The following MYB variants were observed in gnomAD, a reference collection of about 807,000 sequenced individuals.
The protein encoded by MYB is MYB proto-oncogene, transcription factor.
Under a neutral mutation model 92.9 loss-of-function variants are expected in MYB, and 28 were observed. The observed-to-expected ratio is 0.30, with a 90% confidence interval of 0.22 to 0.41. The LOEUF (loss-of-function observed/expected upper bound fraction) is 0.41. Among genes scored for constraint, MYB ranks in the 10% least tolerant of loss-of-function variants. MYB has a pLI of 1.00. For missense variants in MYB, 679 were observed against 929.3 expected (o/e 0.73, Z 3.50); for synonymous variants, 295 against 329.1 (o/e 0.90, Z 1.12).
chr6:135,202,776 G>C, intron 14 of MYB: 2 of 381,390 alleles, frequency 5.2e-6, no homozygotes, highest in Non-Finnish European at 1.0e-5. Context: ...TGCTGGGTTG[G>C]AACTCAGAAG....
At position 135,194,364 on chromosome 6, in the gene MYB, T is replaced by C. The variant is rs1394701810; in HGVS notation, c.852T>C (p.Tyr284=). ...QPAAAAIQRH[Y]NDEDPEKEKR... ...TTACTTTGTAATTTCAGAGACACTATAATGATGAAGACCCTGAGAAGGAAA... is the reference window on the plus strand; with the variant it reads ...TTACTTTGTAATTTCAGAGACACTACAATGATGAAGACCCTGAGAAGGAAA... The change falls in exon 8 of 16, where the codon TAT becomes TAC. Residue 284 remains tyrosine (Y), a synonymous_variant. Transcript: ENST00000341911. 1 of 1,608,436 alleles carries C rather than the reference T, an allele frequency of 6.2e-7. No individual in the cohort carries two copies. The highest frequency in any genetic ancestry group is 8.5e-7 in the Non-Finnish European group (1 of 1,176,280).
chr6:135,189,253 A>T (rs1019454688), intron 3 of MYB, among the ~76,000 whole-genome samples: 1 of 152,220 alleles, frequency 6.6e-6, no homozygotes, highest in Admixed American at 6.5e-5. Flanking sequence ...CAAATTCAGC[A>T]TCTGTGATAG....
intron 6 of MYB, among the ~76,000 whole-genome samples, chr6:135,193,046 G>A (rs530774241): frequency 6.6e-6 from 1 of 152,328 alleles, no homozygotes; most frequent in East Asian, 1.9e-4. Flanking sequence ...AGGCAGACAT[G>A]TCTTAATTTA....
chr6:135,194,832 C>T, intron 8 of MYB: 3 of 1,037,646 alleles, frequency 2.9e-6, no homozygotes, highest in Non-Finnish European at 2.5e-6. Context: ...TTTTGTTAAC[C>T]TATATTTTCA....
intron 15 of MYB, among the ~76,000 whole-genome samples, chr6:135,206,251 A>AGCTGGGTGT (rs1350723717): frequency 1.3e-5 from 2 of 149,374 alleles, no homozygotes; most frequent in Non-Finnish European, 3.0e-5. Context: ...AATAATAATT[A>AGCTGGGTGT]GCTGGGTGTA....
At position 135,182,984 on chromosome 6, in the gene MYB, A is replaced by G. The variant is rs924151184; in HGVS notation, c.23+1448A>G. ...CCACTTTTCGCCTTTAGGACTTCAC[A>G]GGACAGCTACCGGGGTCATCTGTTT... is the stretch of plus-strand genomic sequence containing the variant. On this transcript the variant is annotated intron_variant, in intron 1 of 15. Coordinates refer to ENST00000341911, the MANE Select transcript of MYB (RefSeq NM_001130173.2). This position sits in a 1 kb window ranked among gnomAD's most constrained non-coding sequence, Gnocchi z 5.6. Among the ~76,000 whole-genome samples, 7 of 145,758 alleles carry G rather than the reference A, an allele frequency of 4.8e-5. No homozygotes were observed. Among genetic ancestry groups the G allele is most frequent in the Admixed American group, 3.4e-4 (5 of 14,708 alleles).
chr6:135,203,732 G>T, intron 15 of MYB: 3 of 1,373,874 alleles, frequency 2.2e-6, no homozygotes, highest in Non-Finnish European at 2.9e-6. Context: ...AAAGCTCAGA[G>T]ACTGTTCCAA....
intron 15 of MYB, among the ~76,000 whole-genome samples, chr6:135,215,691 AT>A (rs1023549327): frequency 1.3e-5 from 2 of 152,010 alleles, no homozygotes; most frequent in Admixed American, 6.6e-5. Flanking sequence ...CAATGTACAA[AT>A]TGCAGCTTCC....
chr6:135,187,222 T>C (rs1369817290), intron 2 of MYB, among the ~76,000 whole-genome samples: 1 of 152,252 alleles, frequency 6.6e-6, no homozygotes, highest in African/African-American at 2.4e-5. Context: ...TTTTATGTTC[T>C]AACACATCTG....
chr6:135,188,072 AATTATTAGAATTTAG>A (rs1776153292), intron 3 of MYB, among the ~76,000 whole-genome samples, 167 bp downstream of exon 3: 1 of 152,158 alleles, frequency 6.6e-6, no homozygotes, highest in South Asian at 2.1e-4. Flanking sequence ...CATATAATTA[AATTATTAGAATTTAG>A]ATTATTAGAA....
chr6:135,198,970 C>T lies in MYB; in HGVS notation c.1629C>T (p.Thr543=). The T allele has an allele frequency of 1.2e-6, 2 of 1,611,514 alleles. No individual in the cohort carries two copies. Among genetic ancestry groups the T allele is most frequent in the Non-Finnish European group, 8.5e-7 (1 of 1,177,908 alleles). The change falls in exon 11 of 16, where the codon ACC becomes ACT. Residue 543 remains threonine (T), a synonymous_variant. Coordinates refer to ENST00000341911, the MANE Select transcript of MYB (RefSeq NM_001130173.2). ...TGGAAATGCCTTCTTTAACTTCCACCCCCCTCATTGGTCACAAATTGACTG... is the reference window on the plus strand; with the variant it reads ...TGGAAATGCCTTCTTTAACTTCCACTCCCCTCATTGGTCACAAATTGACTG... ...SDLEMPSLTS[T]PLIGHKLTVT... is the part of the protein sequence containing the mutation.
At chr6:135,196,612 T>G (rs1232412473) in intron 9 of MYB, 6 of 640,120 alleles carry the variant, frequency 9.4e-6, no homozygotes, top group African/African-American at 1.9e-5. Context: ...GAACACTTGG[T>G]TCCTTTCCCA....
rs150078494 is a variant in MYB, at chr6:135,217,529, A to G, written c.2170-335A>G. 9.2e-5 allele frequency among the ~76,000 whole-genome samples: 14 copies of G among 152,290 alleles called. No homozygotes were observed. The East Asian group carries it at 2.7e-3, about 29-fold the overall frequency. ...ACTCAGCAGTTTGCTTAGTGAGTAG[A>G]TGGCCATAGCTCACTTTAGGTATCT... On this transcript the variant is annotated intron_variant, in intron 15 of 15. Coordinates refer to ENST00000341911, the MANE Select transcript of MYB (RefSeq NM_001130173.2).
intron 6 of MYB, among the ~76,000 whole-genome samples, chr6:135,192,954 G>A (rs917369337): frequency 1.3e-5 from 2 of 152,214 alleles, no homozygotes; most frequent in African/African-American, 2.4e-5. Context: ...AAACGAAAAG[G>A]GAAGGTAGTA....
At chr6:135,195,623 G>A in intron 8 of MYB, 125 bp from the exon 9 acceptor site, 1 of 1,059,578 alleles carries the variant, frequency 9.4e-7, no homozygotes, top group Non-Finnish European at 1.4e-6. Context: ...GCGTAAGTTT[G>A]GGATGATGCA....
intron 6 of MYB, among the ~76,000 whole-genome samples, chr6:135,192,924 T>A (rs1776807660): frequency 6.6e-6 from 1 of 152,204 alleles, no homozygotes; most frequent in South Asian, 2.1e-4. Context: ...CATTTGTAGA[T>A]GTAATGTTTT....
In MYB at chr6:135,201,710, C is replaced by A. The variant is rs760021956; in HGVS notation, c.2022C>A (p.Thr674=). ...ACTGGGAAGGGGACAGTCTGAATAC[C>A]CAACTGTTCACGCAGACCTCGCCTG... ...SHHWEGDSLN[T]QLFTQTSPVA... is the part of the protein sequence containing the mutation. The change falls in exon 14 of 16, where the codon ACC becomes ACA. Residue 674 remains threonine (T), a synonymous_variant. Transcript: ENST00000341911. 2.6e-6 allele frequency: 4 copies of A among 1,568,228 alleles called. No individual in the cohort carries two copies.
Position 135,195,799 on chromosome 6 carries a change from G to A in MYB, c.1000G>A (p.Asp334Asn), listed in dbSNP as rs373144674. The A allele has an allele frequency of 6.2e-6, 10 of 1,613,852 alleles. No individual in the cohort carries two copies. Among genetic ancestry groups the A allele is most frequent in the Middle Eastern group, 1.6e-4 (1 of 6,084 alleles). Residue 334 changes from aspartate (D) to asparagine (N), a missense_variant, in exon 9 of 16, where the codon GAC becomes AAC. Asp to Asn is a conservative substitution (Grantham distance 23). Transcript: ENST00000341911. ...YPGWHSTTIADHTRPHGDSAP... is the reference protein window; with the variant it reads ...YPGWHSTTIANHTRPHGDSAP... ...CGGGTGGCACAGCACCACCATTGCCGACCACACCAGACCTCATGGAGACAG... is the reference window on the plus strand; with the variant it reads ...CGGGTGGCACAGCACCACCATTGCCAACCACACCAGACCTCATGGAGACAG...
chr6:135,195,494 C>A, intron 8 of MYB: 1 of 490,170 alleles, frequency 2.0e-6, no homozygotes, highest in Non-Finnish European at 3.6e-6. Flanking sequence ...AAATATAGAC[C>A]TATGATTTGA....
Sources: gnomAD v4.1 joint callset for allele counts (sites outside exome capture counted in the v4.1 genomes callset) on GRCh38, gnomAD v4.1.1 for gene constraint, Gnocchi (gnomAD v3.1) non-coding constraint, MANE v1.5 for transcripts, NCBI Gene and HGNC (gene_info 2026-07-23, HGNC 2026-07-21) for gene names.